The following MCHR2 variants were observed in gnomAD, a reference collection of about 807,000 sequenced individuals.
MCHR2 encodes melanin concentrating hormone receptor 2, also known as melanin-concentrating hormone receptor 2.
A neutral mutation model predicts 24.8 loss-of-function variants in MCHR2; 15 were observed. That is an observed-to-expected ratio of 0.60 (90% CI 0.40 to 0.93). MCHR2 has a LOEUF of 0.93. MCHR2 is among the 40% of genes least tolerant of loss of function. MCHR2 has a pLI of 0.00. For missense variants in MCHR2, 386 were observed against 408.7 expected, an observed-to-expected ratio of 0.94 and a Z score of 0.48; for synonymous variants, 151 against 147.6, an observed-to-expected ratio of 1.02 and a Z score of -0.17.
intron 2 of MCHR2, 67 bp downstream of exon 2, chr6:99,955,899 T>C (rs1275827258): frequency 3.0e-6 from 4 of 1,314,142 alleles, no homozygotes; most frequent in Non-Finnish European, 4.0e-6. Flanking sequence ...AGGACTCATT[T>C]AGGGAGCTTT....
chr6:99,982,817 C>G (rs1407623786), intron 1 of MCHR2, among the ~76,000 whole-genome samples: 2 of 152,096 alleles, frequency 1.3e-5, no homozygotes, highest in African/African-American at 4.8e-5. Flanking sequence ...TATTTAGATG[C>G]TGAGACAAAT....
chr6:99,934,458 C>T lies in MCHR2; in HGVS notation c.647G>A (p.Cys216Tyr). The change falls in exon 5 of 6, where the codon TGC becomes TAC. Residue 216 changes from cysteine (C) to tyrosine (Y), a missense_variant. Transcript: ENST00000281806. ...FFFPLPLILV[C>Y]YILILCYTWE... ...AGTATAGCATAAAATTAAAATATAGCACACCAAAATCAAGGGTAGAGGGAA... is the reference window on the plus strand; with the variant it reads ...AGTATAGCATAAAATTAAAATATAGTACACCAAAATCAAGGGTAGAGGGAA... The T allele has an allele frequency of 6.2e-7, 1 of 1,604,104 alleles. No homozygotes were observed. The highest frequency in any genetic ancestry group is 8.5e-7 in the Non-Finnish European group (1 of 1,175,716).
chr6:99,932,355 T>G (rs1774564587), intron 5 of MCHR2, among the ~76,000 whole-genome samples: 1 of 152,096 alleles, frequency 6.6e-6, no homozygotes, highest in South Asian at 2.1e-4. Context: ...ACAGAAGCAT[T>G]CTAAATAATA....
chr6:99,920,759 T>C lies in MCHR2; in HGVS notation c.*181A>G. On this transcript the variant is annotated 3_prime_UTR_variant, in exon 6 of 6. Transcript: ENST00000281806. ...CCACAATATAGATCAACATTTTACA[T>C]CTTGCTAAAGTTAGCATATTAAGCT... 4.8e-6 allele frequency: 3 copies of C among 623,356 alleles called. No homozygotes were observed. The highest frequency in any genetic ancestry group is 4.1e-5 in the South Asian group (2 of 48,494). 38.6% of individuals were successfully genotyped at this position (623,356 alleles called of 1,614,324 possible).
intron 5 of MCHR2, among the ~76,000 whole-genome samples, chr6:99,928,858 G>C (rs975565574): frequency 2.0e-5 from 3 of 152,124 alleles, no homozygotes; most frequent in African/African-American, 7.2e-5. Context: ...TCTGATTTTA[G>C]TTATTTCTTG....
At chr6:99,954,051 C>G (rs1431283088) in intron 2 of MCHR2, among the ~76,000 whole-genome samples, 1 of 152,054 alleles carries the variant, frequency 6.6e-6, no homozygotes, top group African/African-American at 2.4e-5. Flanking sequence ...CCTGAGGGCT[C>G]CTCTTGCTCT....
chr6:99,972,535 G>A (rs1038702939), intron 1 of MCHR2, among the ~76,000 whole-genome samples: 1 of 152,058 alleles, frequency 6.6e-6, no homozygotes, highest in African/African-American at 2.4e-5. Context: ...TTAATTTTTT[G>A]AAGGGTTTTT....
In MCHR2 at chr6:99,934,531, G is replaced by C. The variant is rs200285952; in HGVS notation, c.588-14C>G. On this transcript the variant is annotated splice_polypyrimidine_tract_variant and intron_variant, in intron 4 of 5. Transcript: ENST00000281806. Reference sequence around the variant, plus strand: ...TAAAGTGTATACCTGTAAAATGAGAGAGAGAAGAGAGAGAGAGAAAGAACA... The same window carrying C: ...TAAAGTGTATACCTGTAAAATGAGACAGAGAAGAGAGAGAGAGAAAGAACA... 3.0e-5 allele frequency: 47 copies of C among 1,548,366 alleles called. No individual in the cohort carries two copies. In the South Asian group the frequency reaches 5.1e-4, roughly 17 times the overall value.
intron 1 of MCHR2, among the ~76,000 whole-genome samples, chr6:99,960,133 G>A (rs564429274): frequency 6.6e-6 from 1 of 152,174 alleles, no homozygotes; most frequent in Non-Finnish European, 1.5e-5. Context: ...ACATCTGTTA[G>A]TGGATTTCTT....
chr6:99,973,037 C>T (rs1775465190), intron 1 of MCHR2, among the ~76,000 whole-genome samples: 1 of 152,044 alleles, frequency 6.6e-6, no homozygotes, highest in Non-Finnish European at 1.5e-5. Flanking sequence ...AATGTATATT[C>T]TATTGATTTG....
chr6:99,978,443 G>T (rs953193127), intron 1 of MCHR2, among the ~76,000 whole-genome samples: 23 of 17,248 alleles, frequency 1.3e-3, no homozygotes, highest in African/African-American at 3.6e-3. Flanking sequence ...TTTTTTTTGA[G>T]ACGGAGTCTT....
rs116657647 is a variant in MCHR2 at position 99,977,462 on chromosome 6, T to A, written c.-28+16474A>T. ...TGCTCCTGAGACTGTTCACAGGAGT[T>A]TTGATACCATACGGAGTAGGGCTGC... On this transcript the variant is annotated intron_variant, in intron 1 of 5. Transcript: ENST00000281806. Among the ~76,000 whole-genome samples the A allele has an allele frequency of 8.9e-3, 1,360 of 152,254 alleles. 19 individuals carry two copies. The highest frequency in any genetic ancestry group is 0.031 in the African/African-American group (1,285 of 41,528).
intron 3 of MCHR2, among the ~76,000 whole-genome samples, chr6:99,943,695 G>T (rs1379201289): frequency 6.6e-6 from 1 of 152,126 alleles, no homozygotes; most frequent in African/African-American, 2.4e-5. Flanking sequence ...CCTGGTATCT[G>T]TAGAGAAAAC....
At chr6:99,957,396 A>C (rs557317267) in intron 1 of MCHR2, among the ~76,000 whole-genome samples, 3 of 152,118 alleles carry the variant, frequency 2.0e-5, no homozygotes, top group Non-Finnish European at 4.4e-5. Context: ...ATGTGATTTT[A>C]AAAAAATGTT....
intron 1 of MCHR2, among the ~76,000 whole-genome samples, chr6:99,987,089 TG>T (rs1368663188): frequency 1.5e-5 from 2 of 129,966 alleles, no homozygotes; most frequent in Non-Finnish European, 3.4e-5. Flanking sequence ...TGTGTTGTGT[TG>T]TATTTATTTA....
intron 2 of MCHR2, among the ~76,000 whole-genome samples, chr6:99,955,139 T>G (rs544975391): frequency 5.9e-5 from 9 of 152,214 alleles, no homozygotes; most frequent in African/African-American, 1.7e-4. Flanking sequence ...GGATGAAAAA[T>G]TTAACATCCT....
Position 99,920,693 on chromosome 6 carries a change from C to A in MCHR2, c.*247G>T. The A allele has an allele frequency of 4.4e-6, 2 of 452,298 alleles. No homozygotes were observed. Among genetic ancestry groups the A allele is most frequent in the Non-Finnish European group, 8.0e-6 (2 of 249,246 alleles). 28.0% of individuals were successfully genotyped at this position (452,298 alleles called of 1,614,324 possible). A position where few individuals can be genotyped will look rare whatever the true frequency, so the allele number is the denominator to read the frequency against. ...TATAATATGCTGAAATAATATACACCATCATGAAGCCTGGGTATCTCAGAC... is the reference window on the plus strand; with the variant it reads ...TATAATATGCTGAAATAATATACACAATCATGAAGCCTGGGTATCTCAGAC... On this transcript the variant is annotated 3_prime_UTR_variant, in exon 6 of 6. Transcript: ENST00000281806.
chr6:99,946,703 C>T (rs1444601898), intron 3 of MCHR2, among the ~76,000 whole-genome samples: 8 of 152,214 alleles, frequency 5.3e-5, no homozygotes, highest in East Asian at 1.9e-4. Context: ...CACACACACA[C>T]GTGATTTATG....
intron 1 of MCHR2, among the ~76,000 whole-genome samples, chr6:99,978,653 C>T (rs1201488021): frequency 6.6e-6 from 1 of 152,008 alleles, no homozygotes; most frequent in Non-Finnish European, 1.5e-5. Flanking sequence ...CTCGTGACCT[C>T]GTGATCTGCC....
Sources: gnomAD v4.1 joint callset for allele counts (sites outside exome capture counted in the v4.1 genomes callset) on GRCh38, gnomAD v4.1.1 for gene constraint, MANE v1.5 for transcripts, NCBI Gene and HGNC (gene_info 2026-07-23, HGNC 2026-07-21) for gene names.